The following THSD7B variants were observed in gnomAD, a reference collection of about 807,000 sequenced individuals.
THSD7B encodes thrombospondin type 1 domain containing 7B, also known as thrombospondin type-1 domain-containing protein 7B.
Under a neutral mutation model 213.6 loss-of-function variants are expected in THSD7B, and 138 were observed. The ratio of observed to expected loss-of-function variants is 0.65; its 90% CI spans 0.56 to 0.74. The LOEUF (loss-of-function observed/expected upper bound fraction) is 0.74. Among genes scored for constraint, THSD7B ranks in the 30% least tolerant of loss-of-function variants. The pLI is 0.00. For synonymous variants in THSD7B, 742 were observed against 687.0 expected, an observed-to-expected ratio of 1.08 and a Z score of -1.25; for missense variants, 1,931 against 1,991.5, an observed-to-expected ratio of 0.97 and a Z score of 0.58.
intron 15 of THSD7B, chr2:137,512,223 A>T (rs1679975672): frequency 6.6e-6 from 1 of 151,982 alleles, no homozygotes. Flanking sequence ...GCAATTTTAA[A>T]CTTGCTTTCT....
chr2:136,818,972 C>A (rs1057289441), intron 1 of THSD7B, among the ~76,000 whole-genome samples: 1 of 152,126 alleles, frequency 6.6e-6, no homozygotes, highest in Non-Finnish European at 1.5e-5. Context: ...CGGGTGAAAG[C>A]AGATTTAATG....
chr2:137,451,136 A>C, intron 15 of THSD7B, 113 bp downstream of exon 15: 1 of 1,153,706 alleles, frequency 8.7e-7, no homozygotes, highest in Non-Finnish European at 1.1e-6. Context: ...AGTTATCACA[A>C]TGTCAGAAGA....
chr2:137,125,061 C>G (rs1688608614), intron 5 of THSD7B, among the ~76,000 whole-genome samples: 2 of 152,192 alleles, frequency 1.3e-5, no homozygotes, highest in Non-Finnish European at 1.5e-5. Context: ...GTTCTGGACA[C>G]AGCCATTTCT....
At position 137,017,345 on chromosome 2, in the gene THSD7B, T is replaced by C. The variant is rs531338958; in HGVS notation, c.140-39075T>C. On this transcript the variant is annotated intron_variant, in intron 2 of 27. Coordinates refer to ENST00000409968, the MANE Select transcript of THSD7B (RefSeq NM_001316349.2). ...AAAGTTAATTTTGGTGGTTAGGGGATATAACCAATTTGGGGAAGAGATTGG... is the reference window on the plus strand; with the variant it reads ...AAAGTTAATTTTGGTGGTTAGGGGACATAACCAATTTGGGGAAGAGATTGG... Among the ~76,000 whole-genome samples the C allele has an allele frequency of 1.9e-4, 29 of 151,886 alleles. 1 individual carries two copies. The South Asian group carries it at 6.0e-3, about 32-fold the overall frequency.
chr2:137,581,230 T>A (rs1275533268), intron 17 of THSD7B, among the ~76,000 whole-genome samples: 5 of 152,224 alleles, frequency 3.3e-5, no homozygotes, highest in African/African-American at 1.2e-4. Context: ...ATTTGTCATT[T>A]ATAAGTATGA....
intron 2 of THSD7B, among the ~76,000 whole-genome samples, chr2:136,982,261 C>G (rs750890615): frequency 6.6e-6 from 1 of 151,800 alleles, no homozygotes; most frequent in Non-Finnish European, 1.5e-5. Flanking sequence ...AATACTCTTT[C>G]TAGGTAAGAT....
At chr2:137,069,226 A>T in intron 3 of THSD7B, among the ~76,000 whole-genome samples, 1 of 152,010 alleles carries the variant, frequency 6.6e-6, no homozygotes, top group East Asian at 1.9e-4. Context: ...ATTCTTTCTC[A>T]TATATCAATG....
At chr2:137,084,514 A>G (rs965541927) in intron 3 of THSD7B, among the ~76,000 whole-genome samples, 3 of 152,180 alleles carry the variant, frequency 2.0e-5, no homozygotes, top group Admixed American at 1.3e-4. Flanking sequence ...ACATAGGAAG[A>G]TATTTCACTG....
chr2:137,594,030 G>A (rs1681912840), intron 17 of THSD7B, among the ~76,000 whole-genome samples: 1 of 151,970 alleles, frequency 6.6e-6, no homozygotes, highest in Non-Finnish European at 1.5e-5. Context: ...TATTAAGGAA[G>A]TGTTAAATGT....
intron 17 of THSD7B, among the ~76,000 whole-genome samples, chr2:137,576,197 T>G (rs1573719526): frequency 6.6e-6 from 1 of 152,140 alleles, no homozygotes; most frequent in East Asian, 1.9e-4. Flanking sequence ...ATATCTCTCC[T>G]TGGAGTCTTG....
At chr2:137,211,465 C>T (rs1384818319) in intron 7 of THSD7B, among the ~76,000 whole-genome samples, 5 of 151,956 alleles carry the variant, frequency 3.3e-5, no homozygotes, top group Admixed American at 6.6e-5. Context: ...TAAACCATCA[C>T]ATTATTAGTG....
chr2:136,866,232 A>G (rs1683330172), intron 1 of THSD7B, among the ~76,000 whole-genome samples: 1 of 152,004 alleles, frequency 6.6e-6, no homozygotes, highest in Admixed American at 6.6e-5. Flanking sequence ...TAATGTATTT[A>G]GATTGTCATT....
rs750450466 is a variant in THSD7B, at chr2:137,276,043, A to G, written c.2500+17A>G. The G allele has an allele frequency of 3.8e-6, 6 of 1,589,578 alleles. No homozygotes were observed. Among genetic ancestry groups the G allele is most frequent in the Middle Eastern group, 3.4e-4 (2 of 5,950 alleles). On this transcript the variant is annotated intron_variant, in intron 12 of 27. Coordinates refer to ENST00000409968, the MANE Select transcript of THSD7B (RefSeq NM_001316349.2). Reference sequence around the variant, plus strand: ...AAACAAGAGGTATGATGATTTTTACATAGTTTTTTTTTATTAATACGTAAG... The same window carrying G: ...AAACAAGAGGTATGATGATTTTTACGTAGTTTTTTTTTATTAATACGTAAG...
rs568336546 is a variant in THSD7B at position 137,194,400 on chromosome 2, G to A, written c.1723+23462G>A. 2.6e-5 allele frequency among the ~76,000 whole-genome samples: 4 copies of A among 152,278 alleles called. No homozygotes were observed. The South Asian group carries it at 8.3e-4, about 32-fold the overall frequency. On this transcript the variant is annotated intron_variant, in intron 7 of 27. Transcript: ENST00000409968. ...CTCCAGTTTAGAGCAGCCCCTCCTG[G>A]GAAGTGACTTAAAAACCCACACATG...
chr2:137,676,690 A>C lies in THSD7B; in HGVS notation c.*85A>C, dbSNP rs1683709955. 2 of 1,245,934 alleles carry C rather than the reference A, an allele frequency of 1.6e-6. No individual in the cohort carries two copies. The highest frequency in any genetic ancestry group is 6.0e-5 in the Admixed American group (2 of 33,556). 77.2% of individuals were successfully genotyped at this position (1,245,934 alleles called of 1,614,324 possible). On this transcript the variant is annotated 3_prime_UTR_variant, in exon 28 of 28. Coordinates refer to ENST00000409968, the MANE Select transcript of THSD7B (RefSeq NM_001316349.2). ...TCTCAGACTTCTCAGTTTTTTGAGG[A>C]ATCTCAAGATGTGATATATTGGGCA... is the stretch of plus-strand genomic sequence containing the variant.
intron 15 of THSD7B, among the ~76,000 whole-genome samples, chr2:137,467,323 T>A (rs1323299351): frequency 6.6e-6 from 1 of 152,172 alleles, no homozygotes; most frequent in East Asian, 1.9e-4. Flanking sequence ...ACATTTGTTA[T>A]ATACTGGTGT....
intron 17 of THSD7B, among the ~76,000 whole-genome samples, chr2:137,595,392 G>T (rs1295533066): frequency 6.6e-6 from 1 of 151,926 alleles, no homozygotes; most frequent in Non-Finnish European, 1.5e-5. Flanking sequence ...GCCTTGACAT[G>T]CTTTCTATCA....
rs1032747194 is a variant in THSD7B, at chr2:137,116,712, G to A, written c.1369+1419G>A. ...CTTAGTCTTTCTAGCTTTTTGAATGGAAACTTACTGGGCAGGAAGATTATA... is the reference window on the plus strand; with the variant it reads ...CTTAGTCTTTCTAGCTTTTTGAATGAAAACTTACTGGGCAGGAAGATTATA... On this transcript the variant is annotated intron_variant, in intron 5 of 27. Coordinates refer to ENST00000409968, the MANE Select transcript of THSD7B (RefSeq NM_001316349.2). 2.0e-5 allele frequency among the ~76,000 whole-genome samples: 3 copies of A among 152,030 alleles called. No homozygotes were observed. In the East Asian group the frequency reaches 5.8e-4, roughly 29 times the overall value.
intron 18 of THSD7B, 21 bp downstream of exon 18, chr2:137,616,337 C>T (rs1682386437): frequency 6.2e-7 from 1 of 1,604,846 alleles, no homozygotes; most frequent in Non-Finnish European, 8.5e-7. Context: ...AATCTATGAC[C>T]TTGTCGTTCT....
Sources: allele counts gnomAD v4.1 joint callset (sites outside exome capture counted in the v4.1 genomes callset), GRCh38; gene constraint gnomAD v4.1.1; transcripts MANE v1.5; gene names NCBI Gene and HGNC (gene_info 2026-07-23, HGNC 2026-07-21).